The following AHRR variants were observed in gnomAD, a reference collection of about 807,000 sequenced individuals.
AHRR encodes ahR repressor.
Under a neutral mutation model 44.0 loss-of-function variants are expected in AHRR, and 28 were observed. That is an observed-to-expected ratio of 0.64 (90% confidence interval 0.47 to 0.87). The LOEUF (loss-of-function observed/expected upper bound fraction) is 0.87, where lower values mean the gene tolerates loss of function less well. AHRR is among the 40% of genes least tolerant of loss of function. AHRR has a pLI of 0.00. For synonymous variants in AHRR, 434 were observed against 407.0 expected (o/e 1.07, Z -0.80); for missense variants, 990 against 953.9 (o/e 1.04, Z -0.50).
intron 4 of AHRR, among the ~76,000 whole-genome samples, chr5:380,897 G>A (rs984859896): frequency 6.6e-6 from 1 of 152,200 alleles, no homozygotes; most frequent in African/African-American, 2.4e-5. Flanking sequence ...CTGGTAGTGT[G>A]GCTCAGTCCA....
At chr5:414,202 G>A (rs569033749) in intron 5 of AHRR, among the ~76,000 whole-genome samples, 13 of 152,256 alleles carry the variant, frequency 8.5e-5, no homozygotes, top group Middle Eastern at 6.8e-3. Flanking sequence ...GGTGTAGGTT[G>A]CAGTGAGGTG....
chr5:375,275 A>G (rs1251914705), intron 3 of AHRR, among the ~76,000 whole-genome samples: 1 of 152,238 alleles, frequency 6.6e-6, no homozygotes, highest in African/African-American at 2.4e-5. Flanking sequence ...GTGATGGGCT[A>G]CAAATAGACA....
chr5:384,897 G>GC (rs1734110194), intron 4 of AHRR, among the ~76,000 whole-genome samples: 6 of 152,240 alleles, frequency 3.9e-5, no homozygotes, highest in African/African-American at 1.4e-4. Flanking sequence ...TGTTATCCCA[G>GC]CACTTTGGGA....
intron 4 of AHRR, chr5:403,654 A>AT: frequency 5.5e-6 from 3 of 542,632 alleles, no homozygotes; most frequent in Non-Finnish European, 9.5e-6. Flanking sequence ...AAAAAAAAAA[A>AT]GTAACCACTT....
Position 395,373 on chromosome 5 carries a change from G to A in AHRR, c.352-17971G>A, listed in dbSNP as rs886783977. Among the ~76,000 whole-genome samples the A allele has an allele frequency of 4.6e-5, 7 of 152,186 alleles. No individual in the cohort carries two copies. The highest frequency in any genetic ancestry group is 9.7e-5 in the African/African-American group (4 of 41,442). ...CGAAAATTAGGGGAATAAAAGTCCC[G>A]GGAGAGGACAAGGTGGCAAACAGGA... On this transcript the variant is annotated intron_variant, in intron 4 of 10. Coordinates refer to ENST00000684583, the MANE Select transcript of AHRR (RefSeq NM_001377236.1). This position sits in a 1 kb window ranked among gnomAD's most constrained non-coding sequence, Gnocchi z 5.3.
At chr5:332,362 G>A (rs1442263596) in intron 1 of AHRR, among the ~76,000 whole-genome samples, 1 of 151,222 alleles carries the variant, frequency 6.6e-6, no homozygotes, top group Non-Finnish European at 1.5e-5. Context: ...CCGCCTCCTG[G>A]GTTCAAGTGA....
chr5:427,570 G>A (rs1020560626), intron 7 of AHRR: 17 of 1,586,316 alleles, frequency 1.1e-5, no homozygotes, highest in Admixed American at 5.0e-5. Context: ...CCGTCGCCGC[G>A]GCTCCAGAGA....
At position 370,703 on chromosome 5, in the gene AHRR, C is replaced by T. The variant is rs551951482; in HGVS notation, c.245-5907C>T. Among the ~76,000 whole-genome samples, 69 of 111,446 alleles carry T rather than the reference C, an allele frequency of 6.2e-4. No individual in the cohort carries two copies. The highest frequency in any genetic ancestry group is 9.9e-4 in the Non-Finnish European group (57 of 57,700). The allele number at this position is 111,446 out of a possible 152,430, so 73.1% of individuals were successfully genotyped here. ...AGGTGATGGGGTTGGGGACAGGTCT[C>T]GGGAAGGCACAGGTGACAGTGTGGG... On this transcript the variant is annotated intron_variant, in intron 3 of 10. Coordinates refer to ENST00000684583, the MANE Select transcript of AHRR (RefSeq NM_001377236.1). This position sits in a 1 kb window ranked among gnomAD's most constrained non-coding sequence, Gnocchi z 4.5.
Position 339,587 on chromosome 5 carries a change from G to C in AHRR, c.-10-4306G>C, listed in dbSNP as rs369279002. Among the ~76,000 whole-genome samples, 6 of 152,058 alleles carry C rather than the reference G, an allele frequency of 3.9e-5. No individual in the cohort carries two copies. In the East Asian group the frequency reaches 1.2e-3, roughly 29 times the overall value. Reference sequence around the variant, plus strand: ...TACACAAATAATTTTAGTGGGAATGGGGGTACACCACAGCTTTGCCTTGTT... The same window carrying C: ...TACACAAATAATTTTAGTGGGAATGCGGGTACACCACAGCTTTGCCTTGTT... On this transcript the variant is annotated intron_variant, in intron 1 of 10. Coordinates refer to ENST00000684583, the MANE Select transcript of AHRR (RefSeq NM_001377236.1).
At position 387,185 on chromosome 5, in the gene AHRR, T is replaced by C. The variant is rs1378880305; in HGVS notation, c.351+10469T>C. Among the ~76,000 whole-genome samples the C allele has an allele frequency of 6.6e-6, 1 of 152,262 alleles. No individual in the cohort carries two copies. The highest frequency in any genetic ancestry group is 1.5e-5 in the Non-Finnish European group (1 of 68,052). ...TGTGTTCCACACCTGCAGCTTGGGA[T>C]GAGCCAGGACACGTGTCAGTTCGTA... On this transcript the variant is annotated intron_variant, in intron 4 of 10. Transcript: ENST00000684583. This position sits in a 1 kb window ranked among gnomAD's most constrained non-coding sequence, Gnocchi z 5.1.
intron 3 of AHRR, among the ~76,000 whole-genome samples, chr5:356,531 G>C: frequency 8.4e-6 from 1 of 119,726 alleles, no homozygotes; most frequent in Non-Finnish European, 1.8e-5. Flanking sequence ...CTGAGGAAGA[G>C]CGCCCGGGAG....
chr5:415,100 C>T (rs1195794987), intron 5 of AHRR, among the ~76,000 whole-genome samples: 4 of 152,238 alleles, frequency 2.6e-5, no homozygotes, highest in African/African-American at 9.6e-5. Flanking sequence ...TAGGAAACCT[C>T]CCTTTGGGAC....
In AHRR at chr5:434,733, TG is replaced by T; in HGVS notation, c.1996del (p.Ala666LeufsTer100). On this transcript the variant is annotated frameshift_variant, in exon 11 of 11. Coordinates refer to ENST00000684583, the MANE Select transcript of AHRR (RefSeq NM_001377236.1). ...VKREPLDSPQ[W>X]ATHSQGMVPG... ...GCGGGAGCCCTTGGACTCACCCCAG[TG>T]GGCTACTCACAGCCAGGGAATGGTG... is the stretch of plus-strand genomic sequence containing the variant. 1 of 1,570,696 alleles carries T rather than the reference TG, an allele frequency of 6.4e-7. No individual in the cohort carries two copies. Among genetic ancestry groups the T allele is most frequent in the Non-Finnish European group, 8.6e-7 (1 of 1,157,716 alleles).
chr5:345,785 C>T (rs939459737), intron 2 of AHRR, among the ~76,000 whole-genome samples: 1 of 152,012 alleles, frequency 6.6e-6, no homozygotes, highest in Non-Finnish European at 1.5e-5. Context: ...CCAAGCACTG[C>T]GGGGCCCCAG....
intron 3 of AHRR, among the ~76,000 whole-genome samples, chr5:360,371 C>T (rs150259701): frequency 4.0e-4 from 61 of 152,306 alleles, no homozygotes; most frequent in Non-Finnish European, 6.5e-4. Flanking sequence ...AGCCCCCGGA[C>T]GGGGGTGTTT....
intron 3 of AHRR, 141 bp from the exon 4 acceptor site, chr5:376,469 C>T (rs1733646726): frequency 6.1e-5 from 1 of 16,378 alleles, no homozygotes; most frequent in East Asian, 8.0e-4. Context: ...GCGTGGCCTG[C>T]AGAGGGGTCA....
At chr5:398,532 G>A (rs2561674) in intron 4 of AHRR, among the ~76,000 whole-genome samples, 1 of 152,168 alleles carries the variant, frequency 6.6e-6, no homozygotes, top group African/African-American at 2.4e-5. Context: ...CTCTGCCCTC[G>A]GCTCAGCTGG....
At chr5:339,586 G>A (rs1270399296) in intron 1 of AHRR, among the ~76,000 whole-genome samples, 1 of 152,104 alleles carries the variant, frequency 6.6e-6, no homozygotes, top group Non-Finnish European at 1.5e-5. Context: ...TAGTGGGAAT[G>A]GGGGTACACC....
rs954806478 is a variant in AHRR at position 435,877 on chromosome 5, G to C, written c.*1043G>C. ...GATATTTTCTGAGAGTAGGAAATTT[G>C]GATACAAAAGCATAAGTCAGAAAGT... On this transcript the variant is annotated 3_prime_UTR_variant, in exon 11 of 11. Coordinates refer to ENST00000684583, the MANE Select transcript of AHRR (RefSeq NM_001377236.1). 2 of 152,860 alleles carry C rather than the reference G, an allele frequency of 1.3e-5. No individual in the cohort carries two copies. The highest frequency in any genetic ancestry group is 6.5e-5 in the Admixed American group (1 of 15,304). The allele number at this position is 152,860 out of a possible 1,614,324, so 9.5% of individuals were successfully genotyped here.
Sources: gnomAD v4.1 joint callset for allele counts (sites outside exome capture counted in the v4.1 genomes callset) on GRCh38, gnomAD v4.1.1 for gene constraint, Gnocchi (gnomAD v3.1) non-coding constraint, MANE v1.5 for transcripts, NCBI Gene and HGNC (gene_info 2026-07-23, HGNC 2026-07-21) for gene names.